Variants in CDK14 observed in about 807,000 individuals in gnomAD.
CDK14 encodes cyclin dependent kinase 14, also known as cyclin-dependent kinase 14.
Under a neutral mutation model 60.7 loss-of-function variants are expected in CDK14, and 34 were observed. The observed-to-expected ratio is 0.56, with a 90% CI of 0.43 to 0.75. CDK14 has a LOEUF of 0.75. Ranked by LOEUF, CDK14 falls within the 30% of genes least tolerant of loss-of-function variation. The pLI is 0.00. For missense variants in CDK14, 482 were observed against 564.1 expected (o/e 0.85, Z 1.47); for synonymous variants, 197 against 203.7 (o/e 0.97, Z 0.28).
chr7:90,826,882 C>T (rs910715037), intron 5 of CDK14, among the ~76,000 whole-genome samples: 4 of 152,114 alleles, frequency 2.6e-5, no homozygotes, highest in African/African-American at 4.8e-5. Flanking sequence ...CAAATTTATA[C>T]ATTAATATTA....
chr7:91,153,212 T>G (rs1800873116), intron 14 of CDK14, among the ~76,000 whole-genome samples: 1 of 152,186 alleles, frequency 6.6e-6, no homozygotes, highest in South Asian at 2.1e-4. Context: ...TTCAACTTGA[T>G]GCAGCAAACA....
chr7:91,069,927 G>T (rs999117638), intron 11 of CDK14, among the ~76,000 whole-genome samples: 1 of 152,098 alleles, frequency 6.6e-6, no homozygotes, highest in Non-Finnish European at 1.5e-5. Flanking sequence ...CTCCTGAGTA[G>T]CTAGAACTGC....
intron 11 of CDK14, among the ~76,000 whole-genome samples, chr7:91,070,649 A>C (rs976172739): frequency 6.6e-6 from 1 of 152,138 alleles, no homozygotes; most frequent in African/African-American, 2.4e-5. Flanking sequence ...AGTCCCAGCT[A>C]CTTGGGAGGC....
chr7:90,734,338 G>A (rs998995006), intron 3 of CDK14, among the ~76,000 whole-genome samples: 5 of 152,124 alleles, frequency 3.3e-5, no homozygotes, highest in Non-Finnish European at 7.4e-5. Flanking sequence ...TGTATTTCCT[G>A]AATTTGAATG....
At chr7:91,048,979 A>G (rs919936473) in intron 11 of CDK14, among the ~76,000 whole-genome samples, 6 of 151,758 alleles carry the variant, frequency 4.0e-5, no homozygotes, top group African/African-American at 1.5e-4. Flanking sequence ...GGTTCAAGTG[A>G]TCCTCCCTGC....
At chr7:90,714,736 G>A (rs1802185523) in intron 2 of CDK14, among the ~76,000 whole-genome samples, 1 of 151,970 alleles carries the variant, frequency 6.6e-6, no homozygotes, top group Non-Finnish European at 1.5e-5. Context: ...GATGGAGTTT[G>A]CATCTAGATT....
At chr7:90,882,262 CAAA>C (rs142619671) in intron 6 of CDK14, among the ~76,000 whole-genome samples, 2 of 116,626 alleles carry the variant, frequency 1.7e-5, no homozygotes, top group Non-Finnish European at 3.4e-5. Flanking sequence ...AAATGGAAAG[CAAA>C]AAAAAAAAAA....
rs903786133 is a variant in CDK14 at position 90,985,254 on chromosome 7, T to C, written c.1041+1013T>C. ...AGACTATCTGGGCTTATCACCCTTCTCTGTCATGTTTTAGCCATGGGACTT... is the reference window on the plus strand; with the variant it reads ...AGACTATCTGGGCTTATCACCCTTCCCTGTCATGTTTTAGCCATGGGACTT... On this transcript the variant is annotated intron_variant, in intron 10 of 14. Coordinates refer to ENST00000380050, the MANE Select transcript of CDK14 (RefSeq NM_001287135.2). 2.0e-5 allele frequency among the ~76,000 whole-genome samples: 3 copies of C among 152,204 alleles called. No homozygotes were observed. The East Asian group carries it at 5.8e-4, about 29-fold the overall frequency.
intron 5 of CDK14, among the ~76,000 whole-genome samples, chr7:90,855,229 C>T (rs933796749): frequency 1.3e-5 from 2 of 152,172 alleles, no homozygotes; most frequent in African/African-American, 4.8e-5. Flanking sequence ...ACAGGGTCTA[C>T]AGTGTACCAG....
chr7:90,922,899 G>C (rs1023696686), intron 8 of CDK14, among the ~76,000 whole-genome samples: 2 of 152,026 alleles, frequency 1.3e-5, no homozygotes, highest in African/African-American at 2.4e-5. Flanking sequence ...AGAAAATACA[G>C]AGAGTTCCTA....
At position 90,899,286 on chromosome 7, in the gene CDK14, T is replaced by C. The variant is rs1792428390; in HGVS notation, c.640-5T>C. 2.9e-5 allele frequency: 46 copies of C among 1,599,526 alleles called. No individual in the cohort carries two copies. Among genetic ancestry groups the C allele is most frequent in the Non-Finnish European group, 3.9e-5 (46 of 1,173,320 alleles). On this transcript the variant is annotated splice_region_variant and splice_polypyrimidine_tract_variant and intron_variant, in intron 6 of 14. Coordinates refer to ENST00000380050, the MANE Select transcript of CDK14 (RefSeq NM_001287135.2). ...TATTAATACATTTTTCCTTTTCTTTTCTAGCACACTGATTTATGTCAGTAC... is the reference window on the plus strand; with the variant it reads ...TATTAATACATTTTTCCTTTTCTTTCCTAGCACACTGATTTATGTCAGTAC...
intron 4 of CDK14, among the ~76,000 whole-genome samples, chr7:90,767,041 C>T (rs546095737): frequency 1.1e-4 from 16 of 152,262 alleles, no homozygotes; most frequent in Admixed American, 2.6e-4. Context: ...TGGACAACTC[C>T]GGTACTCTCT....
At chr7:91,058,134 T>C (rs1016699852) in intron 11 of CDK14, among the ~76,000 whole-genome samples, 1 of 152,142 alleles carries the variant, frequency 6.6e-6, no homozygotes, top group African/African-American at 2.4e-5. Flanking sequence ...CCCTTGTAAA[T>C]TGGATTCCTA....
intron 5 of CDK14, among the ~76,000 whole-genome samples, chr7:90,799,503 C>T (rs770276544): frequency 4.0e-5 from 6 of 151,782 alleles, no homozygotes; most frequent in Middle Eastern, 3.2e-3. Context: ...GCCTGTTCAA[C>T]GTGGCAAAAC....
chr7:90,808,325 A>G (rs1788944151), intron 5 of CDK14, among the ~76,000 whole-genome samples: 1 of 152,234 alleles, frequency 6.6e-6, no homozygotes, highest in South Asian at 2.1e-4. Flanking sequence ...ATTCTTAAAG[A>G]AAAGAATTTT....
intron 2 of CDK14, chr7:90,608,615 T>G (rs1799470340): frequency 2.4e-6 from 2 of 821,614 alleles, no homozygotes; most frequent in Non-Finnish European, 2.9e-6. Flanking sequence ...AATAAACCTT[T>G]GAAATGCAAA....
chr7:90,865,630 A>G (rs921234045), intron 6 of CDK14, among the ~76,000 whole-genome samples: 14 of 152,180 alleles, frequency 9.2e-5, no homozygotes, highest in African/African-American at 2.7e-4. Context: ...ACAGGAGGGC[A>G]CTGTGGGCTT....
intron 9 of CDK14, among the ~76,000 whole-genome samples, chr7:90,980,327 A>G (rs1795197448): frequency 6.6e-6 from 1 of 152,184 alleles, no homozygotes; most frequent in African/African-American, 2.4e-5. Context: ...TGATAATTAC[A>G]TAATTATTCA....
intron 10 of CDK14, among the ~76,000 whole-genome samples, chr7:91,017,603 C>T (rs1468037757): frequency 6.6e-6 from 1 of 152,056 alleles, no homozygotes; most frequent in Non-Finnish European, 1.5e-5. Flanking sequence ...GACTTTTGGT[C>T]TGTGTATTGC....
Sources: gnomAD v4.1 joint callset for allele counts (sites outside exome capture counted in the v4.1 genomes callset) on GRCh38, gnomAD v4.1.1 for gene constraint, MANE v1.5 for transcripts, NCBI Gene and HGNC (gene_info 2026-07-23, HGNC 2026-07-21) for gene names.